CMTM8: variants seen among roughly 807,000 people sequenced by gnomAD.
The protein encoded by CMTM8 is CKLF like MARVEL transmembrane domain containing 8.
CMTM8 carries 12 observed loss-of-function variants against 18.6 expected under a neutral mutation model. That is an observed-to-expected ratio of 0.65 (90% CI 0.41 to 1.05). The LOEUF (loss-of-function observed/expected upper bound fraction) is 1.05. Among genes scored for constraint, CMTM8 ranks in the 50% least tolerant of loss-of-function variants. The probability of loss-of-function intolerance (pLI) is 0.00; values close to 1 mark genes in which losing one functional copy is unlikely to be tolerated. For missense variants in CMTM8, 217 were observed against 227.2 expected, an observed-to-expected ratio of 0.95 and a Z score of 0.29; for synonymous variants, 87 against 90.6, an observed-to-expected ratio of 0.96 and a Z score of 0.23.
chr3:32,298,939 ATGTATATATATATATATTT>A (rs1404978083), intron 1 of CMTM8, among the ~76,000 whole-genome samples: 18 of 69,566 alleles, frequency 2.6e-4, no homozygotes, highest in East Asian at 9.5e-4. Context: ...ATATATATAT[ATGTATATATATATATATTT>A]TTTTTTTTTT....
At position 32,252,671 on chromosome 3, in the gene CMTM8, T is replaced by A. The variant is rs140412284; in HGVS notation, c.147+13552T>A. Among the ~76,000 whole-genome samples, 499 of 152,366 alleles carry A rather than the reference T, an allele frequency of 3.3e-3. 16 individuals are homozygous for A. The East Asian group carries it at 0.073, about 22-fold the overall frequency. Reference sequence around the variant, plus strand: ...CTCATTTCTGATTATTTGTGATTTATAAGAAAGCTGTTAATTTTTAAATTT... The same window carrying A: ...CTCATTTCTGATTATTTGTGATTTAAAAGAAAGCTGTTAATTTTTAAATTT... On this transcript the variant is annotated intron_variant, in intron 1 of 3. Transcript: ENST00000307526.
At chr3:32,283,398 C>T (rs772649049) in intron 1 of CMTM8, among the ~76,000 whole-genome samples, 10 of 152,194 alleles carry the variant, frequency 6.6e-5, no homozygotes. Context: ...TCTCTTCAGA[C>T]TGAGCGCTTG....
intron 1 of CMTM8, among the ~76,000 whole-genome samples, chr3:32,330,569 T>C (rs937671373): frequency 6.6e-6 from 1 of 152,182 alleles, no homozygotes; most frequent in African/African-American, 2.4e-5. Context: ...GATAGACATA[T>C]AGACCAATGG....
intron 1 of CMTM8, among the ~76,000 whole-genome samples, chr3:32,322,320 A>G (rs982585919): frequency 1.3e-5 from 2 of 152,076 alleles, no homozygotes; most frequent in Non-Finnish European, 2.9e-5. Flanking sequence ...TTATTTGGTC[A>G]TCTTTCAAAT....
intron 3 of CMTM8, among the ~76,000 whole-genome samples, chr3:32,369,422 A>G (rs4955147): frequency 0.99 from 150,725 of 152,288 alleles, 74,609 homozygotes; most frequent in East Asian, 1. Context: ...GACTAGAACT[A>G]GGTGGAGGCT....
chr3:32,328,370 CAAAAAAAA>C (rs796201249), intron 1 of CMTM8, among the ~76,000 whole-genome samples: 24,362 of 75,284 alleles, frequency 0.32, 3,272 homozygotes, highest in East Asian at 0.57. Context: ...ACCCTGTCTC[CAAAAAAAA>C]AAAAAAAAAA....
intron 1 of CMTM8, among the ~76,000 whole-genome samples, chr3:32,320,138 G>C (rs1696015023): frequency 6.6e-6 from 1 of 152,206 alleles, no homozygotes; most frequent in South Asian, 2.1e-4. Flanking sequence ...TTTGGTTTAA[G>C]AGAAATGAAA....
chr3:32,310,691 G>A (rs1559376448), intron 1 of CMTM8, among the ~76,000 whole-genome samples: 1 of 152,050 alleles, frequency 6.6e-6, no homozygotes, highest in Non-Finnish European at 1.5e-5. Flanking sequence ...GGTGCCAGGT[G>A]CAACTCTGAA....
chr3:32,319,957 C>T (rs1368670571), intron 1 of CMTM8, among the ~76,000 whole-genome samples: 1 of 152,120 alleles, frequency 6.6e-6, no homozygotes, highest in Non-Finnish European at 1.5e-5. Context: ...TATTTTCTTA[C>T]GTAGGTATGC....
chr3:32,253,286 T>G (rs1299299562), intron 1 of CMTM8, among the ~76,000 whole-genome samples: 1 of 152,154 alleles, frequency 6.6e-6, no homozygotes, highest in Non-Finnish European at 1.5e-5. Flanking sequence ...TTTGTCTGAT[T>G]CTAATCCTGT....
rs896900776 is a variant in CMTM8, at chr3:32,368,116, A to C, written c.438+128A>C. On this transcript the variant is annotated intron_variant, in intron 3 of 3. Transcript: ENST00000307526. ...GTAGTGACAAATTAGCAATTGGCTT[A>C]TTGATTTGAAAATATCTAAAACTGG... 7 of 694,214 alleles carry C rather than the reference A, an allele frequency of 1.0e-5. No individual in the cohort carries two copies. In the African/African-American group the frequency reaches 1.2e-4, roughly 12 times the overall value. 43.0% of individuals were successfully genotyped at this position (694,214 alleles called of 1,614,324 possible).
chr3:32,343,546 C>G (rs866512132), intron 1 of CMTM8, among the ~76,000 whole-genome samples: 1 of 152,224 alleles, frequency 6.6e-6, no homozygotes, highest in Non-Finnish European at 1.5e-5. Flanking sequence ...ACCTTCCAGA[C>G]TTGGTTGTGT....
chr3:32,347,848 G>T (rs1358880673), intron 1 of CMTM8, among the ~76,000 whole-genome samples: 3 of 152,146 alleles, frequency 2.0e-5, no homozygotes, highest in Non-Finnish European at 4.4e-5. Context: ...AAAGTAAAAT[G>T]ACATCAGGCA....
At chr3:32,310,111 A>C (rs1396156393) in intron 1 of CMTM8, among the ~76,000 whole-genome samples, 1 of 152,176 alleles carries the variant, frequency 6.6e-6, no homozygotes, top group African/African-American at 2.4e-5. Context: ...TACTGTTCTC[A>C]TGTGTAGAAA....
chr3:32,287,826 T>C (rs1418283298), intron 1 of CMTM8, among the ~76,000 whole-genome samples: 1 of 152,116 alleles, frequency 6.6e-6, no homozygotes, highest in African/African-American at 2.4e-5. Flanking sequence ...GTGAAGGAGA[T>C]AGGAAAATTA....
intron 1 of CMTM8, among the ~76,000 whole-genome samples, chr3:32,335,526 G>T (rs989561031): frequency 2.0e-5 from 3 of 152,186 alleles, no homozygotes; most frequent in Admixed American, 6.5e-5. Flanking sequence ...GTTTTCAGGG[G>T]CCAGGTGGTC....
rs1043961391 is a variant in CMTM8 at position 32,295,490 on chromosome 3, A to G, written c.147+56371A>G. On this transcript the variant is annotated intron_variant, in intron 1 of 3. Coordinates refer to ENST00000307526, the MANE Select transcript of CMTM8 (RefSeq NM_178868.5). ...AAAAAAAAAAAAAACAAAACAAAAC[A>G]GCGGAAAGAGAAAATCCCTGTCTTT... is the stretch of plus-strand genomic sequence containing the variant. 2.8e-5 allele frequency among the ~76,000 whole-genome samples: 4 copies of G among 141,728 alleles called. 1 individual carries two copies. The highest frequency in any genetic ancestry group is 6.2e-5 in the Non-Finnish European group (4 of 64,990). 93.0% of individuals were successfully genotyped at this position (141,728 alleles called of 152,430 possible). A position where few individuals can be genotyped will look rare whatever the true frequency, so the allele number is the denominator to read the frequency against.
intron 1 of CMTM8, among the ~76,000 whole-genome samples, chr3:32,356,888 A>G (rs1211279477): frequency 6.6e-6 from 1 of 152,200 alleles, no homozygotes; most frequent in Non-Finnish European, 1.5e-5. Context: ...TTCTCCTGGG[A>G]TGGAGAAGAC....
intron 1 of CMTM8, among the ~76,000 whole-genome samples, chr3:32,355,863 G>A (rs1441849212): frequency 6.6e-6 from 1 of 152,170 alleles, no homozygotes; most frequent in East Asian, 1.9e-4. Flanking sequence ...TGCCTATAAT[G>A]TTGCCTTCCT....
Sources: allele counts gnomAD v4.1 joint callset (sites outside exome capture counted in the v4.1 genomes callset), GRCh38; gene constraint gnomAD v4.1.1; transcripts MANE v1.5; gene names NCBI Gene and HGNC (gene_info 2026-07-23, HGNC 2026-07-21).